Variants in SPATA6 observed in about 807,000 individuals in gnomAD.
The protein encoded by SPATA6 is spermatogenesis associated 6, also known as spermatogenesis-associated protein 6.
A neutral mutation model predicts 65.3 loss-of-function variants in SPATA6; 56 were observed. The ratio of observed to expected loss-of-function variants is 0.86; its 90% confidence interval spans 0.69 to 1.07. SPATA6 has a LOEUF of 1.07. Ranked by LOEUF, SPATA6 falls within the 50% of genes least tolerant of loss-of-function variation. SPATA6 has a pLI of 0.00. For synonymous variants in SPATA6, 199 were observed against 213.2 expected, an observed-to-expected ratio of 0.93 and a Z score of 0.58; for missense variants, 590 against 594.8, an observed-to-expected ratio of 0.99 and a Z score of 0.08.
At chr1:48,263,822 TTTG>T in the SPATA6 span, among the ~76,000 whole-genome samples, 8 of 152,080 alleles carry the variant, frequency 5.3e-5, no homozygotes, top group Non-Finnish European at 8.8e-5. Flanking sequence ...GAAGCCAGTT[TTTG>T]TTGTTGTTGT....
In SPATA6 at chr1:48,472,175, G is replaced by C. The variant is rs926640200; in HGVS notation, c.-167C>G. The stretch of plus-strand genomic sequence containing the variant: ...CAGCCTGGGTTCCGCCGGAGAAGCA[G>C]CTGAGCGCGGGGCGCAGACTCGTTG... On this transcript the variant is annotated 5_prime_UTR_variant, in exon 1 of 13. Transcript: ENST00000371847. The C allele has an allele frequency of 1.2e-4, 67 of 556,936 alleles. No homozygotes were observed. Among genetic ancestry groups the C allele is most frequent in the Non-Finnish European group, 1.8e-4 (58 of 327,878 alleles). The allele number at this position is 556,936 out of a possible 1,614,324, so 34.5% of individuals were successfully genotyped here.
chr1:48,363,776 T>C (rs1292173608), intron 9 of SPATA6, among the ~76,000 whole-genome samples: 1 of 151,476 alleles, frequency 6.6e-6, no homozygotes, highest in Admixed American at 6.6e-5. Flanking sequence ...TCATGTTGCC[T>C]TTTTTCTTTT....
chr1:48,439,399 G>GGGAAAACAAACAAACCAAAACCACC (rs1655247610), intron 3 of SPATA6, among the ~76,000 whole-genome samples: 1 of 151,920 alleles, frequency 6.6e-6, no homozygotes, highest in African/African-American at 2.4e-5. Flanking sequence ...TGGGCAAGAG[G>GGGAAAACAAACAAACCAAAACCACC]GGTTTCTGCT....
intron 3 of SPATA6, among the ~76,000 whole-genome samples, chr1:48,417,807 G>C (rs955556707): frequency 2.6e-5 from 4 of 152,048 alleles, no homozygotes; most frequent in Non-Finnish European, 4.4e-5. Context: ...CTGGGCAACA[G>C]ACAGAGCGAG....
At chr1:48,366,967 A>G (rs985705442) in intron 9 of SPATA6, among the ~76,000 whole-genome samples, 3 of 151,892 alleles carry the variant, frequency 2.0e-5, no homozygotes, top group Admixed American at 6.6e-5. Context: ...ACTGCTTTGA[A>G]TATGTCCCAG....
intron 3 of SPATA6, among the ~76,000 whole-genome samples, chr1:48,445,848 G>A (rs1401777647): frequency 6.6e-6 from 1 of 151,972 alleles, no homozygotes; most frequent in Non-Finnish European, 1.5e-5. Context: ...ATATGGTGGG[G>A]AAGATGTGAG....
the SPATA6 span, among the ~76,000 whole-genome samples, chr1:48,281,409 T>C: frequency 6.6e-6 from 1 of 152,122 alleles, no homozygotes; most frequent in Non-Finnish European, 1.5e-5. Context: ...TGTTTGCAGA[T>C]GACATGATTA....
At chr1:48,299,851 C>T (rs1443863843) in intron 12 of SPATA6, among the ~76,000 whole-genome samples, 2 of 152,112 alleles carry the variant, frequency 1.3e-5, no homozygotes, top group Admixed American at 6.6e-5. Flanking sequence ...AAAAAGACAA[C>T]GTGTGTGCTC....
At chr1:48,429,304 T>C (rs1654182308) in intron 3 of SPATA6, among the ~76,000 whole-genome samples, 1 of 152,162 alleles carries the variant, frequency 6.6e-6, no homozygotes, top group African/African-American at 2.4e-5. Context: ...CTTTTTCCCT[T>C]TTTGGGAGCC....
chr1:48,321,373 T>G (rs571735198), intron 11 of SPATA6, among the ~76,000 whole-genome samples: 1 of 152,104 alleles, frequency 6.6e-6, no homozygotes, highest in African/African-American at 2.4e-5. Flanking sequence ...AGAGTAGAAG[T>G]AGCTAAACTG....
intron 7 of SPATA6, among the ~76,000 whole-genome samples, chr1:48,396,300 C>A (rs1650580494): frequency 6.6e-6 from 1 of 151,644 alleles, no homozygotes; most frequent in East Asian, 1.9e-4. Flanking sequence ...AAATGGTACA[C>A]CTGCTATAAA....
chr1:48,281,964 T>C, the SPATA6 span, among the ~76,000 whole-genome samples: 3 of 152,166 alleles, frequency 2.0e-5, no homozygotes, highest in East Asian at 1.9e-4. Flanking sequence ...CAAAACAGCA[T>C]GGTACTGGTA....
In SPATA6 at chr1:48,298,154, A is replaced by G. The variant is rs777907611; in HGVS notation, c.*559T>C. 1 of 152,242 alleles carries G rather than the reference A, an allele frequency of 6.6e-6. No individual in the cohort carries two copies. Among genetic ancestry groups the G allele is most frequent in the Non-Finnish European group, 1.5e-5 (1 of 68,040 alleles). 9.4% of individuals were successfully genotyped at this position (152,242 alleles called of 1,614,324 possible). A position where few individuals can be genotyped will look rare whatever the true frequency, so the allele number is the denominator to read the frequency against. ...GAGAAAAAGGAGTGAATGATCATAT[A>G]GTCTTTAAAAAGAAAGCCTATGAGC... is the stretch of plus-strand genomic sequence containing the variant. On this transcript the variant is annotated 3_prime_UTR_variant, in exon 13 of 13. Coordinates refer to ENST00000371847, the MANE Select transcript of SPATA6 (RefSeq NM_019073.4).
At chr1:48,328,686 T>C (rs983673181) in intron 11 of SPATA6, among the ~76,000 whole-genome samples, 1 of 152,182 alleles carries the variant, frequency 6.6e-6, no homozygotes, top group Non-Finnish European at 1.5e-5. Context: ...AAATTAGATG[T>C]GATTTTTTTG....
chr1:48,395,493 T>C (rs928735875), intron 7 of SPATA6, 139 bp from the exon 8 acceptor site: 8 of 444,904 alleles, frequency 1.8e-5, no homozygotes, highest in Admixed American at 4.5e-5. Context: ...GAGTCAGACA[T>C]GTTCCAAAGA....
chr1:48,283,717 G>GAAAGAAAGAAAGAAAGAAAGAAAGA, the SPATA6 span, among the ~76,000 whole-genome samples: 19 of 134,766 alleles, frequency 1.4e-4, no homozygotes, highest in African/African-American at 5.9e-4. Context: ...AAGAAAGAAA[G>GAAAGAAAGAAAGAAAGAAAGAAAGA]AAAGAAAATT....
At chr1:48,299,492 C>A (rs545979059) in intron 12 of SPATA6, among the ~76,000 whole-genome samples, 1 of 91,444 alleles carries the variant, frequency 1.1e-5, no homozygotes, top group Admixed American at 1.9e-4. Context: ...CCAGCCTGGA[C>A]AACAAGAGCA....
chr1:48,410,537 A>T (rs1652120913), intron 5 of SPATA6, among the ~76,000 whole-genome samples: 1 of 152,178 alleles, frequency 6.6e-6, no homozygotes, highest in African/African-American at 2.4e-5. Context: ...GTACTGTATT[A>T]ATCCATTGTC....
chr1:48,382,420 C>T (rs867624520), intron 9 of SPATA6, among the ~76,000 whole-genome samples: 16 of 140,196 alleles, frequency 1.1e-4, no homozygotes, highest in Middle Eastern at 7.9e-3. Context: ...CGGGCAGAGG[C>T]ACCCCTCACC....
Sources: allele counts gnomAD v4.1 joint callset (sites outside exome capture counted in the v4.1 genomes callset), GRCh38; gene constraint gnomAD v4.1.1; transcripts MANE v1.5; gene names NCBI Gene and HGNC (gene_info 2026-07-23, HGNC 2026-07-21).